The following CCNY variants were observed in gnomAD, a reference collection of about 807,000 sequenced individuals.
CCNY encodes cyclin-Y.
CCNY carries 19 observed loss-of-function variants against 42.8 expected under a neutral mutation model. The ratio of observed to expected loss-of-function variants is 0.44; its 90% CI spans 0.31 to 0.65. The LOEUF (loss-of-function observed/expected upper bound fraction) is 0.65. Ranked by LOEUF, CCNY falls within the 30% of genes least tolerant of loss-of-function variation. The probability of loss-of-function intolerance (pLI) is 0.07; values close to 1 mark genes in which losing one functional copy is unlikely to be tolerated. For missense variants in CCNY, 370 were observed against 437.3 expected (o/e 0.85, Z 1.37); for synonymous variants, 165 against 162.7 (o/e 1.01, Z -0.11).
At chr10:35,550,897 G>A (rs1841242148) in intron 7 of CCNY, among the ~76,000 whole-genome samples, 1 of 152,008 alleles carries the variant, frequency 6.6e-6, no homozygotes, top group Non-Finnish European at 1.5e-5. Flanking sequence ...CTTGCCCCTG[G>A]CTTTGCTCTG....
At chr10:35,544,350 CAT>C (rs1444187525) in intron 7 of CCNY, among the ~76,000 whole-genome samples, 1 of 152,154 alleles carries the variant, frequency 6.6e-6, no homozygotes, top group Non-Finnish European at 1.5e-5. Flanking sequence ...AAATACTCAT[CAT>C]TGTGTTCCAG....
rs149655030 is a variant in CCNY at position 35,431,883 on chromosome 10, C to T, written c.155-51521C>T. 1.7e-3 allele frequency among the ~76,000 whole-genome samples: 260 copies of T among 152,124 alleles called. 1 individual carries two copies. The highest frequency in any genetic ancestry group is 2.5e-3 in the Non-Finnish European group (169 of 67,984). On this transcript the variant is annotated intron_variant, in intron 1 of 9. Transcript: ENST00000374704. ...CCTCTAAACCACCAGAGATTAGCCTCCTATTGTGATCCTCTGTTTTTACAT... is the reference window on the plus strand; with the variant it reads ...CCTCTAAACCACCAGAGATTAGCCTTCTATTGTGATCCTCTGTTTTTACAT...
At chr10:35,539,453 C>T (rs1295625762) in intron 7 of CCNY, among the ~76,000 whole-genome samples, 1 of 152,124 alleles carries the variant, frequency 6.6e-6, no homozygotes, top group Non-Finnish European at 1.5e-5. Flanking sequence ...CAACGTTTTT[C>T]TATAGTTTTC....
chr10:35,440,753 T>C (rs1291480712), intron 1 of CCNY, among the ~76,000 whole-genome samples: 1 of 152,202 alleles, frequency 6.6e-6, no homozygotes, highest in Non-Finnish European at 1.5e-5. Flanking sequence ...TAGAATGAAG[T>C]GTAATTGCAC....
intron 7 of CCNY, among the ~76,000 whole-genome samples, chr10:35,546,066 G>A (rs1841108972): frequency 6.6e-6 from 1 of 152,106 alleles, no homozygotes; most frequent in South Asian, 2.1e-4. Flanking sequence ...AATTGAGAAT[G>A]GAGTGAAGCT....
chr10:35,485,190 C>T (rs1477808127), intron 2 of CCNY, among the ~76,000 whole-genome samples: 1 of 152,220 alleles, frequency 6.6e-6, no homozygotes, highest in African/African-American at 2.4e-5. Context: ...TCTCCCTGTC[C>T]ACTCTCCCAT....
At chr10:35,399,437 GAGA>G (rs1367240567) in intron 1 of CCNY, among the ~76,000 whole-genome samples, 1 of 152,218 alleles carries the variant, frequency 6.6e-6, no homozygotes, top group African/African-American at 2.4e-5. Flanking sequence ...GTGAAGTGGT[GAGA>G]AGGTGACATG....
At chr10:35,422,142 T>TA (rs1189820227) in intron 1 of CCNY, among the ~76,000 whole-genome samples, 1 of 152,238 alleles carries the variant, frequency 6.6e-6, no homozygotes, top group Non-Finnish European at 1.5e-5. Flanking sequence ...TTTTTCCATC[T>TA]AATTTTACAC....
intron 3 of CCNY, among the ~76,000 whole-genome samples, chr10:35,252,585 AAAAAAAATGAG>A: frequency 7.6e-6 from 1 of 131,738 alleles, no homozygotes. Context: ...AAAAAAAAAA[AAAAAAAATGAG>A]AATATCCTTT....
chr10:35,556,764 G>T (rs1255206734), intron 8 of CCNY, among the ~76,000 whole-genome samples: 2 of 152,080 alleles, frequency 1.3e-5, no homozygotes, highest in Admixed American at 6.5e-5. Flanking sequence ...GTGCCAGCCA[G>T]TGACCACAAT....
chr10:35,284,703 C>T (rs2135057039), intron 3 of CCNY, among the ~76,000 whole-genome samples: 1 of 152,090 alleles, frequency 6.6e-6, no homozygotes, highest in African/African-American at 2.4e-5. Context: ...GGTAGAAGCT[C>T]AGGCTATTGA....
chr10:35,465,685 G>A (rs1182267113), intron 1 of CCNY, among the ~76,000 whole-genome samples: 11 of 151,966 alleles, frequency 7.2e-5, no homozygotes, highest in Admixed American at 2.0e-4. Flanking sequence ...TTCTCTGTCC[G>A]TTATGTGCTT....
chr10:35,571,875 T>A lies in CCNY; in HGVS notation c.*2705T>A, dbSNP rs531658611. 3 of 152,456 alleles carry A rather than the reference T, an allele frequency of 2.0e-5. No homozygotes were observed. In the South Asian group the frequency reaches 6.2e-4, roughly 32 times the overall value. 9.4% of individuals were successfully genotyped at this position (152,456 alleles called of 1,614,324 possible). A position where few individuals can be genotyped will look rare whatever the true frequency, so the allele number is the denominator to read the frequency against. On this transcript the variant is annotated 3_prime_UTR_variant, in exon 10 of 10. Transcript: ENST00000374704. ...GAAACGACACAATTTGTTACTTTAA[T>A]TTTATATTTGATTTAAACAACAAAT...
At chr10:35,413,571 T>G (rs1403862117) in intron 1 of CCNY, among the ~76,000 whole-genome samples, 1 of 152,208 alleles carries the variant, frequency 6.6e-6, no homozygotes, top group Non-Finnish European at 1.5e-5. Context: ...TGGAAGTGTC[T>G]GGGACAGAAG....
At chr10:35,344,761 T>G (rs1836262963) in intron 1 of CCNY, among the ~76,000 whole-genome samples, 1 of 152,050 alleles carries the variant, frequency 6.6e-6, no homozygotes, top group African/African-American at 2.4e-5. Context: ...GTGTGTGATG[T>G]TCCCCTTCCT....
chr10:35,416,265 C>T (rs1838023648), intron 1 of CCNY, among the ~76,000 whole-genome samples: 1 of 151,692 alleles, frequency 6.6e-6, no homozygotes. Flanking sequence ...TGGTGGATTT[C>T]TGTAGATGTG....
intron 1 of CCNY, among the ~76,000 whole-genome samples, chr10:35,362,390 T>C (rs907894989): frequency 4.6e-5 from 7 of 152,080 alleles, no homozygotes; most frequent in African/African-American, 1.7e-4. Flanking sequence ...TTCTTGCAAA[T>C]AGAACATTTC....
intron 3 of CCNY, among the ~76,000 whole-genome samples, chr10:35,301,870 C>T (rs558601709): frequency 9.2e-5 from 14 of 152,196 alleles, no homozygotes; most frequent in Admixed American, 2.6e-4. Context: ...TGGGCTCAAG[C>T]GATCTGCCCG....
chr10:35,529,529 A>G (rs562912597), intron 5 of CCNY, among the ~76,000 whole-genome samples: 1 of 152,304 alleles, frequency 6.6e-6, no homozygotes, highest in East Asian at 1.9e-4. Context: ...AAAAATCATT[A>G]TTCATGAATA....
Sources: gnomAD v4.1 joint callset for allele counts (sites outside exome capture counted in the v4.1 genomes callset) on GRCh38, gnomAD v4.1.1 for gene constraint, MANE v1.5 for transcripts, NCBI Gene and HGNC (gene_info 2026-07-23, HGNC 2026-07-21) for gene names.